The following NTRK3 variants were observed in gnomAD, a reference collection of about 807,000 sequenced individuals.
NTRK3 encodes neurotrophic receptor tyrosine kinase 3.
Under a neutral mutation model 91.7 loss-of-function variants are expected in NTRK3, and 24 were observed. That is an observed-to-expected ratio of 0.26 (90% CI 0.19 to 0.37). The LOEUF (loss-of-function observed/expected upper bound fraction) is 0.37. NTRK3 is among the 10% of genes least tolerant of loss of function. The pLI, the probability that NTRK3 is intolerant of heterozygous loss-of-function variation, is 1.00. For missense variants in NTRK3, 880 were observed against 1,068.9 expected (o/e 0.82, Z 2.46); for synonymous variants, 483 against 404.0 (o/e 1.20, Z -2.34).
chr15:88,119,514 G>C (rs536389706), intron 13 of NTRK3, among the ~76,000 whole-genome samples: 1 of 152,190 alleles, frequency 6.6e-6, no homozygotes, highest in Non-Finnish European at 1.5e-5. Flanking sequence ...ACATTTGTTA[G>C]GAGAATACGA....
At chr15:88,220,796 C>A (rs976862253) in intron 3 of NTRK3, among the ~76,000 whole-genome samples, 2 of 152,164 alleles carry the variant, frequency 1.3e-5, no homozygotes, top group South Asian at 4.1e-4. Context: ...ACTCCCCATT[C>A]CCACCCCACA....
At chr15:88,005,886 C>T (rs1015209406) in intron 14 of NTRK3, among the ~76,000 whole-genome samples, 2 of 152,144 alleles carry the variant, frequency 1.3e-5, no homozygotes, top group South Asian at 2.1e-4. Context: ...ATCTTCACAT[C>T]AATATGGTAA....
intron 5 of NTRK3, among the ~76,000 whole-genome samples, chr15:88,166,255 A>G (rs936526184): frequency 1.5e-4 from 23 of 152,188 alleles, no homozygotes; most frequent in African/African-American, 4.8e-4. Context: ...TCCACTCTAG[A>G]CTGGGCCTCT....
intron 10 of NTRK3, among the ~76,000 whole-genome samples, chr15:88,129,329 T>C (rs1334873875): frequency 1.3e-5 from 2 of 152,224 alleles, no homozygotes; most frequent in East Asian, 3.8e-4. Flanking sequence ...AAGCGAGGGA[T>C]GGTGTTAAAT....
intron 14 of NTRK3, among the ~76,000 whole-genome samples, chr15:87,965,628 C>T (rs1417058037): frequency 6.6e-6 from 1 of 152,208 alleles, no homozygotes; most frequent in Non-Finnish European, 1.5e-5. Context: ...TGTTTATTCA[C>T]CAGGCAGTGG....
chr15:88,152,080 C>T (rs2151357801), intron 5 of NTRK3, among the ~76,000 whole-genome samples: 3 of 152,290 alleles, frequency 2.0e-5, no homozygotes. Context: ...GCAGGTGGAT[C>T]ACCTGATGTC....
At chr15:88,029,326 G>C (rs2078319695) in intron 14 of NTRK3, among the ~76,000 whole-genome samples, 1 of 152,228 alleles carries the variant, frequency 6.6e-6, no homozygotes, top group Admixed American at 6.5e-5. Context: ...ATAAGGGATT[G>C]TACCAGGTGA....
At chr15:88,131,365 T>C (rs2041327235) in intron 10 of NTRK3, among the ~76,000 whole-genome samples, 1 of 152,248 alleles carries the variant, frequency 6.6e-6, no homozygotes, top group Non-Finnish European at 1.5e-5. Context: ...TCGGATACTT[T>C]CTGTGATGGA....
At chr15:88,020,053 C>T (rs1056972713) in intron 14 of NTRK3, among the ~76,000 whole-genome samples, 2 of 152,186 alleles carry the variant, frequency 1.3e-5, no homozygotes, top group African/African-American at 2.4e-5. Context: ...AATAAGCAGA[C>T]AGACATTGAA....
At chr15:88,151,910 T>C (rs976286075) in intron 5 of NTRK3, among the ~76,000 whole-genome samples, 1 of 152,334 alleles carries the variant, frequency 6.6e-6, no homozygotes, top group African/African-American at 2.4e-5. Context: ...CTCCAGCTCC[T>C]GGATGCTCAC....
intron 17 of NTRK3, among the ~76,000 whole-genome samples, chr15:87,915,605 T>C (rs980969958): frequency 2.0e-5 from 3 of 152,134 alleles, no homozygotes; most frequent in Non-Finnish European, 4.4e-5. Flanking sequence ...TTTCCCTAAA[T>C]TCTCTTGAGT....
At chr15:88,027,293 GA>G (rs892169636) in intron 14 of NTRK3, among the ~76,000 whole-genome samples, 24 of 151,920 alleles carry the variant, frequency 1.6e-4, no homozygotes, top group Non-Finnish European at 2.9e-4. Context: ...GATCGCATAA[GA>G]AAAAAAACAT....
chr15:88,081,778 A>C (rs1361794510), intron 13 of NTRK3, among the ~76,000 whole-genome samples: 1 of 152,170 alleles, frequency 6.6e-6, no homozygotes, highest in Non-Finnish European at 1.5e-5. Context: ...TCCATATGGT[A>C]ACAGCCCCCA....
chr15:88,112,621 CTGGCCATGTGGAAACT>C (rs1177937298), intron 13 of NTRK3, among the ~76,000 whole-genome samples: 2 of 152,216 alleles, frequency 1.3e-5, no homozygotes, highest in African/African-American at 2.4e-5. Context: ...ATGTTTAACA[CTGGCCATGTGGAAACT>C]TGCATGGTCA....
At chr15:87,971,669 A>T (rs2073263276) in intron 14 of NTRK3, among the ~76,000 whole-genome samples, 5 of 152,148 alleles carry the variant, frequency 3.3e-5, no homozygotes, top group Admixed American at 3.3e-4. Context: ...TTTCAGCTTA[A>T]AACTAGAGGA....
intron 17 of NTRK3, among the ~76,000 whole-genome samples, chr15:87,896,657 T>A (rs2141612678): frequency 1.3e-5 from 2 of 151,716 alleles, no homozygotes; most frequent in Middle Eastern, 3.4e-3. Context: ...GCCTTAGGGA[T>A]ATATTAGTTT....
chr15:87,871,718 C>T (rs565043185), exon 19 of NTRK3: 40 of 226,710 alleles, frequency 1.8e-4, no homozygotes, highest in African/African-American at 3.1e-4. Flanking sequence ...TCCCCAAGAA[C>T]GGTAAGGCTA....
At chr15:88,046,276 C>T (rs954438340) in intron 13 of NTRK3, among the ~76,000 whole-genome samples, 1 of 152,202 alleles carries the variant, frequency 6.6e-6, no homozygotes, top group Non-Finnish European at 1.5e-5. Context: ...GTTCATGATT[C>T]ATGCCACACC....
intron 3 of NTRK3, among the ~76,000 whole-genome samples, chr15:88,195,579 G>A (rs1044008358): frequency 6.6e-6 from 1 of 152,212 alleles, no homozygotes; most frequent in Non-Finnish European, 1.5e-5. Flanking sequence ...CAGAGGGGTG[G>A]AACCCTTGTA....
Sources: allele counts gnomAD v4.1 joint callset (sites outside exome capture counted in the v4.1 genomes callset), GRCh38; gene constraint gnomAD v4.1.1; transcripts MANE v1.5; gene names NCBI Gene and HGNC (gene_info 2026-07-23, HGNC 2026-07-21).